Variants in PKNOX2 observed in about 807,000 individuals in gnomAD.
The protein encoded by PKNOX2 is homeobox protein PKNOX2.
In PKNOX2, 14 loss-of-function variants were observed where a neutral mutation model predicts 53.1. The ratio of observed to expected loss-of-function variants is 0.26; its 90% confidence interval spans 0.17 to 0.41. The LOEUF is 0.41. PKNOX2 is among the 10% of genes least tolerant of loss of function. The pLI is 1.00. For synonymous variants in PKNOX2, 257 were observed against 242.8 expected (o/e 1.06, Z -0.54); for missense variants, 496 against 602.8 (o/e 0.82, Z 1.85).
chr11:125,400,009 T>A (rs1044386415), intron 7 of PKNOX2, among the ~76,000 whole-genome samples: 7 of 152,246 alleles, frequency 4.6e-5, no homozygotes, highest in Non-Finnish European at 7.3e-5. Context: ...ATCCCGGCAC[T>A]CAGCCTTCTG....
At chr11:125,371,426 G>A (rs576486636) in intron 5 of PKNOX2, among the ~76,000 whole-genome samples, 28 of 152,140 alleles carry the variant, frequency 1.8e-4, no homozygotes, top group African/African-American at 6.3e-4. Flanking sequence ...AGCCCCACCC[G>A]CCCATGCTGG....
chr11:125,221,126 G>T (rs1219568779), intron 1 of PKNOX2, among the ~76,000 whole-genome samples: 1 of 152,150 alleles, frequency 6.6e-6, no homozygotes, highest in East Asian at 1.9e-4. Flanking sequence ...CTGCACTCCA[G>T]CCTGGGTGAC....
At position 125,302,986 on chromosome 11, in the gene PKNOX2, A is replaced by G. The variant is rs1948179007; in HGVS notation, c.-129-28833A>G. Among the ~76,000 whole-genome samples, 4 of 152,252 alleles carry G rather than the reference A, an allele frequency of 2.6e-5. No homozygotes were observed. In the South Asian group the frequency reaches 8.3e-4, roughly 32 times the overall value. On this transcript the variant is annotated intron_variant, in intron 2 of 12. Coordinates refer to ENST00000298282, the MANE Select transcript of PKNOX2 (RefSeq NM_001382323.2). ...TCTTCCTTTTGCTTCCTGAGAGCTT[A>G]GGGCCCCAGCAGCCCCAGCCCTCTA...
chr11:125,214,245 C>T (rs140603312), intron 1 of PKNOX2, among the ~76,000 whole-genome samples: 7 of 152,126 alleles, frequency 4.6e-5, no homozygotes, highest in South Asian at 2.1e-4. Context: ...GCTCCATGAG[C>T]GGCCACCTCC....
At position 125,410,190 on chromosome 11, in the gene PKNOX2, T is replaced by C. The variant is rs1955418004; in HGVS notation, c.589-6T>C. 7 of 1,613,712 alleles carry C rather than the reference T, an allele frequency of 4.3e-6. No individual in the cohort carries two copies. The highest frequency in any genetic ancestry group is 1.3e-5 in the African/African-American group (1 of 74,970). ...TTGTCACAAACCACGCCTCCCTCACTGCCAGGACCTCCTGCAGAATTCCCC... is the reference window on the plus strand; with the variant it reads ...TTGTCACAAACCACGCCTCCCTCACCGCCAGGACCTCCTGCAGAATTCCCC... On this transcript the variant is annotated splice_region_variant and splice_polypyrimidine_tract_variant and intron_variant, in intron 7 of 12. Transcript: ENST00000298282.
intron 4 of PKNOX2, among the ~76,000 whole-genome samples, chr11:125,360,146 CAAAAAAA>C (rs547553077): frequency 1.2e-5 from 1 of 80,662 alleles, no homozygotes; most frequent in Non-Finnish European, 2.7e-5. Context: ...AACTCCATCT[CAAAAAAA>C]AAAAAAAGAA....
rs1307921749 is a variant in PKNOX2, at chr11:125,352,417, C to G, written c.87+1025C>G. Among the ~76,000 whole-genome samples the G allele has an allele frequency of 6.6e-6, 1 of 152,222 alleles. No individual in the cohort carries two copies. The highest frequency in any genetic ancestry group is 1.9e-4 in the East Asian group (1 of 5,188). Reference sequence around the variant, plus strand: ...ACCATCTGCACTCCTCCAGCAGCCACTCTCTGCCCTCCTCTGCCATCCCTC... The same window carrying G: ...ACCATCTGCACTCCTCCAGCAGCCAGTCTCTGCCCTCCTCTGCCATCCCTC... On this transcript the variant is annotated intron_variant, in intron 4 of 12. Coordinates refer to ENST00000298282, the MANE Select transcript of PKNOX2 (RefSeq NM_001382323.2). This position sits in a 1 kb window ranked among gnomAD's most constrained non-coding sequence, Gnocchi z 4.1.
intron 5 of PKNOX2, among the ~76,000 whole-genome samples, chr11:125,371,822 A>G (rs995261004): frequency 6.6e-6 from 1 of 152,184 alleles, no homozygotes; most frequent in Non-Finnish European, 1.5e-5. Context: ...CAGTGAGGGC[A>G]GTGGTGCTTT....
chr11:125,191,945 G>A (rs1956902523), intron 1 of PKNOX2, among the ~76,000 whole-genome samples: 1 of 152,154 alleles, frequency 6.6e-6, no homozygotes, highest in African/African-American at 2.4e-5. Flanking sequence ...GGTGCTTCGC[G>A]CTGTCAATAG....
chr11:125,189,938 T>C (rs1956774023), intron 1 of PKNOX2: 1 of 151,906 alleles, frequency 6.6e-6, no homozygotes, highest in Admixed American at 6.6e-5. Context: ...TTCTCTCTTT[T>C]TTTTTTGAGA....
At chr11:125,414,658 AAAG>A (rs1324922233) in intron 10 of PKNOX2, among the ~76,000 whole-genome samples, 2 of 152,182 alleles carry the variant, frequency 1.3e-5, no homozygotes, top group African/African-American at 2.4e-5. Context: ...GGCACGGTAG[AAAG>A]AAGACAGGAT....
chr11:125,324,834 C>T (rs989364842), intron 2 of PKNOX2, among the ~76,000 whole-genome samples: 1 of 152,136 alleles, frequency 6.6e-6, no homozygotes, highest in Non-Finnish European at 1.5e-5. Context: ...TGCTTGGAAC[C>T]CAGAGTCATC....
chr11:125,215,243 T>C (rs1940360390), intron 1 of PKNOX2, among the ~76,000 whole-genome samples: 1 of 152,006 alleles, frequency 6.6e-6, no homozygotes, highest in African/African-American at 2.4e-5. Context: ...AATCATTGGT[T>C]TTCTAATCAA....
At position 125,410,284 on chromosome 11, in the gene PKNOX2, G is replaced by A. The variant is rs371053622; in HGVS notation, c.677G>A (p.Gly226Asp). 6.2e-7 allele frequency: 1 copy of A among 1,614,076 alleles called. No individual in the cohort carries two copies. The highest frequency in any genetic ancestry group is 1.7e-5 in the Admixed American group (1 of 60,020). The change falls in exon 8 of 13, where the codon GGC becomes GAC. Residue 226 changes from glycine (G) to aspartate (D), a missense_variant. By Grantham distance (94) the Gly-to-Asp change is moderately conservative. This residue lies in a region of PKNOX2 where 141 missense variants were observed against 143.9 expected (regional missense o/e 0.98). Transcript: ENST00000298282. ...IVVPASALQQ[G>D]NIAMTTVNSQ... ...GTCCCAGCCTCAGCGCTCCAGCAGGGCAACATCGCCATGACAACCGTCAAC... is the reference window on the plus strand; with the variant it reads ...GTCCCAGCCTCAGCGCTCCAGCAGGACAACATCGCCATGACAACCGTCAAC...
At chr11:125,399,222 G>A (rs533630233) in intron 7 of PKNOX2, among the ~76,000 whole-genome samples, 26 of 152,318 alleles carry the variant, frequency 1.7e-4, no homozygotes, top group African/African-American at 6.0e-4. Context: ...TCTTCCTCTC[G>A]CTTGAAATCA....
intron 2 of PKNOX2, among the ~76,000 whole-genome samples, chr11:125,317,679 G>T (rs1270557914): frequency 6.6e-6 from 1 of 152,198 alleles, no homozygotes; most frequent in South Asian, 2.1e-4. Flanking sequence ...CAGATGAGCT[G>T]TCACCCAGGC....
intron 2 of PKNOX2, chr11:125,330,140 G>A (rs1418693445): frequency 6.5e-6 from 1 of 152,696 alleles, no homozygotes; most frequent in African/African-American, 2.4e-5. Context: ...TGTAGCTTGT[G>A]CAGCTGGGGA....
At chr11:125,417,371 G>A (rs1328231996) in intron 10 of PKNOX2, among the ~76,000 whole-genome samples, 4 of 152,132 alleles carry the variant, frequency 2.6e-5, no homozygotes, top group East Asian at 3.9e-4. Context: ...GCCCCAGCAG[G>A]CCCTGCCATC....
intron 1 of PKNOX2, among the ~76,000 whole-genome samples, chr11:125,197,507 T>C (rs941548523): frequency 6.6e-6 from 1 of 152,132 alleles, no homozygotes; most frequent in Non-Finnish European, 1.5e-5. Context: ...AAGAGCTGCC[T>C]AAGAGAGGCT....
Sources: gnomAD v4.1 joint callset for allele counts (sites outside exome capture counted in the v4.1 genomes callset) on GRCh38, gnomAD v4.1.1 for gene constraint, gnomAD v4.1.1 regional missense constraint, Gnocchi (gnomAD v3.1) non-coding constraint, MANE v1.5 for transcripts, NCBI Gene and HGNC (gene_info 2026-07-23, HGNC 2026-07-21) for gene names.